The following NOL10 variants were observed in gnomAD, a reference collection of about 807,000 sequenced individuals.
NOL10 encodes the protein H_NH0074G24.1.
In NOL10, 58 loss-of-function variants were observed where a neutral mutation model predicts 103.5. That is an observed-to-expected ratio of 0.56 (90% CI 0.45 to 0.70). NOL10 has a LOEUF of 0.70. Among genes scored for constraint, NOL10 ranks in the 30% least tolerant of loss-of-function variants. NOL10 has a pLI of 0.00. For synonymous variants in NOL10, 287 were observed against 282.5 expected (o/e 1.02, Z -0.16); for missense variants, 763 against 807.3 (o/e 0.95, Z 0.67).
At chr2:10,682,324 A>T (rs935892398) in intron 2 of NOL10, among the ~76,000 whole-genome samples, 1 of 152,160 alleles carries the variant, frequency 6.6e-6, no homozygotes, top group Non-Finnish European at 1.5e-5. Context: ...TAGCATCATT[A>T]ATTGAAAAAA....
Position 10,598,533 on chromosome 2 carries a change from C to T in NOL10, c.1422+2320G>A, listed in dbSNP as rs553533971. Reference sequence around the variant, plus strand: ...GTGAGGGGACCACGTAATGGTGAACCTCTGAAAACAAATGAGGAAAACAGC... The same window carrying T: ...GTGAGGGGACCACGTAATGGTGAACTTCTGAAAACAAATGAGGAAAACAGC... On this transcript the variant is annotated intron_variant, in intron 17 of 20. Coordinates refer to ENST00000381685, the MANE Select transcript of NOL10 (RefSeq NM_024894.4). Among the ~76,000 whole-genome samples the T allele has an allele frequency of 2.0e-5, 3 of 152,244 alleles. No individual in the cohort carries two copies. The East Asian group carries it at 5.8e-4, about 29-fold the overall frequency.
At chr2:10,607,148 G>C (rs1173277523) in intron 14 of NOL10, 37 bp downstream of exon 14, 1 of 1,391,968 alleles carries the variant, frequency 7.2e-7, no homozygotes, top group East Asian at 2.5e-5. Flanking sequence ...TAGAAATAAA[G>C]TAATTACATA....
chr2:10,673,289 A>G, intron 5 of NOL10: 2 of 361,462 alleles, frequency 5.5e-6, no homozygotes, highest in Admixed American at 9.3e-5. Context: ...ATACGATATG[A>G]AAAATTACCT....
intron 13 of NOL10, among the ~76,000 whole-genome samples, chr2:10,642,578 C>T (rs11677581): frequency 0.037 from 5,668 of 152,108 alleles, 209 homozygotes; most frequent in African/African-American, 0.094. Context: ...CCCACAGGCT[C>T]GAATGCTCAG....
At position 10,581,340 on chromosome 2, in the gene NOL10, G is replaced by A. The variant is rs1435132040; in HGVS notation, c.1845-3602C>T. Among the ~76,000 whole-genome samples, 4 of 152,110 alleles carry A rather than the reference G, an allele frequency of 2.6e-5. No individual in the cohort carries two copies. In the South Asian group the frequency reaches 8.3e-4, roughly 32 times the overall value. On this transcript the variant is annotated intron_variant, in intron 19 of 20. Transcript: ENST00000381685. ...ATACGCTTTAAAGAAATACTTGTCC[G>A]TGTGCATACACACATTTGCGACTGT...
At chr2:10,681,530 C>G (rs917184756) in intron 3 of NOL10, among the ~76,000 whole-genome samples, 2 of 152,140 alleles carry the variant, frequency 1.3e-5, no homozygotes, top group African/African-American at 4.8e-5. Flanking sequence ...GTTACACAAG[C>G]GTGTGCATTT....
chr2:10,609,429 T>TAAAAA (rs1676434816), intron 13 of NOL10, among the ~76,000 whole-genome samples: 1 of 26,224 alleles, frequency 3.8e-5, no homozygotes, highest in Admixed American at 3.8e-4. Context: ...GTACTAAAAA[T>TAAAAA]ACAAAAAAAA....
chr2:10,683,624 TG>T (rs1411486192), intron 2 of NOL10, among the ~76,000 whole-genome samples: 1 of 152,156 alleles, frequency 6.6e-6, no homozygotes, highest in Non-Finnish European at 1.5e-5. Flanking sequence ...CTGAGAACCT[TG>T]ATAGACAGGT....
intron 19 of NOL10, among the ~76,000 whole-genome samples, chr2:10,587,068 C>CATATATATACATATATACAT (rs1558269928): frequency 2.0e-4 from 5 of 24,712 alleles, no homozygotes; most frequent in Admixed American, 7.8e-4. Context: ...TATATATATA[C>CATATATATACATATATACAT]ATATATATAC....
At chr2:10,653,758 G>A (rs994245178) in intron 12 of NOL10, among the ~76,000 whole-genome samples, 2 of 151,472 alleles carry the variant, frequency 1.3e-5, no homozygotes, top group African/African-American at 2.4e-5. Context: ...AATCTCACTC[G>A]GCACTCCAGC....
At chr2:10,665,920 G>A (rs1680538476) in intron 8 of NOL10, among the ~76,000 whole-genome samples, 2 of 152,110 alleles carry the variant, frequency 1.3e-5, no homozygotes, top group African/African-American at 2.4e-5. Context: ...CTGGGGGTAC[G>A]TGCAGGTTTG....
intron 17 of NOL10, among the ~76,000 whole-genome samples, chr2:10,590,267 C>T (rs1267585646): frequency 1.3e-5 from 2 of 152,116 alleles, no homozygotes; most frequent in African/African-American, 2.4e-5. Context: ...CACCACCGCA[C>T]CCGGCTAATT....
In NOL10 at chr2:10,620,402, T is replaced by C. The variant is rs150265469; in HGVS notation, c.1027-13091A>G. Among the ~76,000 whole-genome samples, 1,124 of 152,330 alleles carry C rather than the reference T, an allele frequency of 7.4e-3. 4 individuals carry two copies. The highest frequency in any genetic ancestry group is 0.014 in the Middle Eastern group (4 of 294). On this transcript the variant is annotated intron_variant, in intron 13 of 20. Transcript: ENST00000381685. ...TCAAGGTTCTATACCTTAACAGTGC[T>C]ATTCTAGGAAGGTGAAAAAATATAT...
At chr2:10,669,532 A>C (rs1680792452) in intron 6 of NOL10, among the ~76,000 whole-genome samples, 1 of 150,708 alleles carries the variant, frequency 6.6e-6, no homozygotes. Context: ...ACACACACAC[A>C]CACACACACA....
intron 13 of NOL10, among the ~76,000 whole-genome samples, chr2:10,614,017 T>C (rs891238136): frequency 1.3e-5 from 2 of 151,776 alleles, no homozygotes; most frequent in African/African-American, 4.8e-5. Flanking sequence ...TGAAGTGCAG[T>C]GCCACGATCT....
At chr2:10,628,108 C>T (rs971478230) in intron 13 of NOL10, among the ~76,000 whole-genome samples, 1 of 152,144 alleles carries the variant, frequency 6.6e-6, no homozygotes, top group African/African-American at 2.4e-5. Context: ...AGGCCAATGT[C>T]CTATCATTTT....
Position 10,686,166 on chromosome 2 carries a change from T to A in NOL10, c.67-1554A>T, listed in dbSNP as rs1682186329. 2.0e-5 allele frequency among the ~76,000 whole-genome samples: 3 copies of A among 152,090 alleles called. No individual in the cohort carries two copies. The South Asian group carries it at 6.2e-4, about 32-fold the overall frequency. ...GAAGTAAAACAATTAGAATGTCAGA[T>A]GGTTATGTATGCCATGGAAAAAATA... On this transcript the variant is annotated intron_variant, in intron 1 of 20. Transcript: ENST00000381685.
chr2:10,630,996 T>C (rs1379376031), intron 13 of NOL10, among the ~76,000 whole-genome samples: 3 of 152,230 alleles, frequency 2.0e-5, no homozygotes, highest in Non-Finnish European at 4.4e-5. Flanking sequence ...AGAGAATATG[T>C]TGCTACTGGT....
At position 10,674,191 on chromosome 2, in the gene NOL10, C is replaced by G. The variant is rs907277774; in HGVS notation, c.290-634G>C. On this transcript the variant is annotated intron_variant, in intron 4 of 20. Coordinates refer to ENST00000381685, the MANE Select transcript of NOL10 (RefSeq NM_024894.4). ...TGTGATCATAACACTGCACTCCAGC[C>G]TGGGTGACAGAAAAAGATCCTGTTT... is the stretch of plus-strand genomic sequence containing the variant. Among the ~76,000 whole-genome samples the G allele has an allele frequency of 7.3e-5, 11 of 151,694 alleles. No individual in the cohort carries two copies. The South Asian group carries it at 8.3e-4, about 12-fold the overall frequency.
Sources: gnomAD v4.1 joint callset for allele counts (sites outside exome capture counted in the v4.1 genomes callset) on GRCh38, gnomAD v4.1.1 for gene constraint, MANE v1.5 for transcripts, NCBI Gene and HGNC (gene_info 2026-07-23, HGNC 2026-07-21) for gene names.